Variants in RNF141 observed in about 807,000 individuals in gnomAD.
RNF141 encodes ring finger protein 141, also known as C3HC4-like zinc finger protein.
Under a neutral mutation model 27.4 loss-of-function variants are expected in RNF141, and 18 were observed. That is an observed-to-expected ratio of 0.66 (90% CI 0.45 to 0.97). The LOEUF is 0.97. Among genes scored for constraint, RNF141 ranks in the 50% least tolerant of loss-of-function variants. The pLI, the probability that RNF141 is intolerant of heterozygous loss-of-function variation, is 0.00. For missense variants in RNF141, 230 were observed against 279.4 expected, an observed-to-expected ratio of 0.82 and a Z score of 1.26; for synonymous variants, 97 against 96.6, an observed-to-expected ratio of 1.00 and a Z score of -0.02.
intron 2 of RNF141, chr11:10,531,777 C>T (rs10500727): frequency 0.084 from 19,379 of 229,796 alleles, 1,463 homozygotes; most frequent in African/African-American, 0.23. Context: ...GGATATCACA[C>T]TCAACTAACA....
chr11:10,536,529 A>G (rs1591501936), intron 1 of RNF141, among the ~76,000 whole-genome samples: 1 of 152,386 alleles, frequency 6.6e-6, no homozygotes, highest in South Asian at 2.1e-4. Flanking sequence ...AATATGACTA[A>G]AAGTTATATC....
chr11:10,532,059 AG>A (rs1316450317), intron 2 of RNF141: 1 of 439,356 alleles, frequency 2.3e-6, no homozygotes, highest in Non-Finnish European at 4.5e-6. Context: ...CAGTAAGCTT[AG>A]TTTGTGGATG....
At chr11:10,517,834 T>C (rs1442161202) in intron 5 of RNF141, 1 of 152,172 alleles carries the variant, frequency 6.6e-6, no homozygotes, top group Non-Finnish European at 1.5e-5. Flanking sequence ...CCAGAACTGA[T>C]ACATGAGTTT....
chr11:10,540,755 G>A lies in RNF141; in HGVS notation c.-48+367C>T, dbSNP rs560289359. 6 of 152,408 alleles carry A rather than the reference G, an allele frequency of 3.9e-5. No homozygotes were observed. The South Asian group carries it at 1.2e-3, about 32-fold the overall frequency. The allele number at this position is 152,408 out of a possible 1,614,324, so 9.4% of individuals were successfully genotyped here. On this transcript the variant is annotated intron_variant, in intron 1 of 5. Coordinates refer to ENST00000265981, the MANE Select transcript of RNF141 (RefSeq NM_016422.4). ...CCTCAGCCCCTCCTCAAGCGCACCTGGACATTTAACCAACAGCTAAGTCCG... is the reference window on the plus strand; with the variant it reads ...CCTCAGCCCCTCCTCAAGCGCACCTAGACATTTAACCAACAGCTAAGTCCG...
At chr11:10,534,714 G>C (rs12277871) in intron 1 of RNF141, among the ~76,000 whole-genome samples, 67,756 of 151,828 alleles carry the variant, frequency 0.45, 16,534 homozygotes, top group East Asian at 0.68. Flanking sequence ...TTTATCTAAA[G>C]TTACACAGCT....
intron 3 of RNF141, among the ~76,000 whole-genome samples, chr11:10,526,193 G>A (rs1418069840): frequency 6.6e-6 from 1 of 152,140 alleles, no homozygotes; most frequent in Non-Finnish European, 1.5e-5. Context: ...GAAGACTGGG[G>A]AAGAAGTAAG....
chr11:10,517,427 G>C (rs1035495375), intron 5 of RNF141: 1 of 151,970 alleles, frequency 6.6e-6, no homozygotes, highest in Non-Finnish European at 1.5e-5. Context: ...CACAGGAGAG[G>C]GGAGAGAAGA....
Position 10,528,874 on chromosome 11 carries a change from G to A in RNF141, c.252+1769C>T, listed in dbSNP as rs75741643. On this transcript the variant is annotated intron_variant, in intron 3 of 5. Transcript: ENST00000265981. ...GCCCTCAGGAGCTTACTCTCTAAAG[G>A]GGAGCTAAGAACCTAAACAACTTTT... Among the ~76,000 whole-genome samples, 361 of 152,134 alleles carry A rather than the reference G, an allele frequency of 2.4e-3. 4 individuals carry two copies. The highest frequency in any genetic ancestry group is 8.4e-3 in the African/African-American group (347 of 41,502).
intron 3 of RNF141, among the ~76,000 whole-genome samples, chr11:10,529,635 G>C (rs1250150057): frequency 1.3e-5 from 2 of 152,230 alleles, no homozygotes; most frequent in African/African-American, 4.8e-5. Context: ...TCTGATGCGA[G>C]TTGTGCTTTA....
At chr11:10,526,010 C>A (rs929885196) in intron 3 of RNF141, among the ~76,000 whole-genome samples, 1 of 152,036 alleles carries the variant, frequency 6.6e-6, no homozygotes, top group Non-Finnish European at 1.5e-5. Context: ...GTAGAAGATA[C>A]TTGGGGCAAG....
intron 2 of RNF141, 150 bp downstream of exon 2, chr11:10,533,865 TA>T (rs1850010526): frequency 4.6e-6 from 3 of 656,426 alleles, no homozygotes; most frequent in Non-Finnish European, 7.4e-6. Context: ...AAAGTCAACT[TA>T]TAATAGATAC....
intron 3 of RNF141, among the ~76,000 whole-genome samples, chr11:10,529,842 A>G (rs2133972673): frequency 6.6e-6 from 1 of 152,312 alleles, no homozygotes; most frequent in Admixed American, 6.5e-5. Context: ...ATAAACTGGA[A>G]GCAAAACACA....
At chr11:10,533,867 T>C (rs1303578012) in intron 2 of RNF141, 149 bp downstream of exon 2, 7 of 663,570 alleles carry the variant, frequency 1.1e-5, no homozygotes, top group South Asian at 7.2e-5. Flanking sequence ...AGTCAACTTA[T>C]AATAGATACT....
chr11:10,529,143 G>C (rs898824331), intron 3 of RNF141, among the ~76,000 whole-genome samples: 4 of 152,176 alleles, frequency 2.6e-5, no homozygotes, highest in African/African-American at 7.2e-5. Flanking sequence ...ACCATTCCCT[G>C]AAATGATGCA....
intron 5 of RNF141, chr11:10,518,828 C>A: frequency 2.3e-6 from 1 of 430,672 alleles, no homozygotes. Context: ...AGTGTCAAAA[C>A]TAAGGTACAC....
At chr11:10,529,692 C>A (rs922581377) in intron 3 of RNF141, among the ~76,000 whole-genome samples, 4 of 152,144 alleles carry the variant, frequency 2.6e-5, no homozygotes, top group African/African-American at 9.7e-5. Context: ...GGAGAAGAGT[C>A]TAGAAGTATA....
chr11:10,535,765 A>C (rs773578330), intron 1 of RNF141, among the ~76,000 whole-genome samples: 122 of 152,312 alleles, frequency 8.0e-4, no homozygotes, highest in Admixed American at 3.1e-3. Context: ...TATTAGAAAA[A>C]AAGTCTTTCC....
At chr11:10,533,430 GTTAA>G (rs141100668) in intron 2 of RNF141, among the ~76,000 whole-genome samples, 15,363 of 151,874 alleles carry the variant, frequency 0.1, 801 homozygotes, top group Admixed American at 0.14. Context: ...ATTTAAAGGT[GTTAA>G]TTAATTAGAA....
chr11:10,532,524 CA>C (rs1475643304), intron 2 of RNF141, among the ~76,000 whole-genome samples: 33 of 145,394 alleles, frequency 2.3e-4, no homozygotes, highest in Admixed American at 1.1e-3. Flanking sequence ...CACACACACA[CA>C]CACACACACA....
Sources: allele counts gnomAD v4.1 joint callset (sites outside exome capture counted in the v4.1 genomes callset), GRCh38; gene constraint gnomAD v4.1.1; transcripts MANE v1.5; gene names NCBI Gene and HGNC (gene_info 2026-07-23, HGNC 2026-07-21).